Variants in PLPP5 observed in about 807,000 individuals in gnomAD.
The protein encoded by PLPP5 is phospholipid phosphatase 5.
PLPP5 carries 29 observed loss-of-function variants against 23.6 expected under a neutral mutation model. The ratio of observed to expected loss-of-function variants is 1.23; its 90% CI spans 0.92 to 1.68. The LOEUF (loss-of-function observed/expected upper bound fraction) is 1.68, where lower values mean the gene tolerates loss of function less well. Among genes scored for constraint, PLPP5 ranks in the 40% most tolerant of loss-of-function variants. The pLI is 0.00. For missense variants in PLPP5, 315 were observed against 332.1 expected (o/e 0.95, Z 0.40); for synonymous variants, 143 against 131.3 (o/e 1.09, Z -0.61).
chr8:38,268,623 C>T, intron 2 of PLPP5, 162 bp from the exon 3 acceptor site: 1 of 1,440,992 alleles, frequency 6.9e-7, no homozygotes, highest in Non-Finnish European at 9.1e-7. Flanking sequence ...AACAGCAGCG[C>T]CCGTGCGGCT....
In PLPP5 at chr8:38,265,214, C is replaced by T. The variant is rs192061809; in HGVS notation, c.635-610G>A. On this transcript the variant is annotated intron_variant, in intron 6 of 6. Transcript: ENST00000424479. ...CCAGGAGGTGGAGGTTGCAGTGAGC[C>T]GAGATGGTGCCACTGCACTCCAGCC... The T allele has an allele frequency of 7.2e-3, 2,453 of 339,940 alleles. 35 individuals are homozygous for T. The highest frequency in any genetic ancestry group is 0.016 in the Middle Eastern group (19 of 1,160). 21.1% of individuals were successfully genotyped at this position (339,940 alleles called of 1,614,324 possible). A position where few individuals can be genotyped will look rare whatever the true frequency, so the allele number is the denominator to read the frequency against.
Sources: allele counts gnomAD v4.1 joint callset, GRCh38; gene constraint gnomAD v4.1.1; transcripts MANE v1.5; gene names NCBI Gene and HGNC (gene_info 2026-07-23, HGNC 2026-07-21).